HBQ1: variants seen among roughly 807,000 people sequenced by gnomAD.
The protein encoded by HBQ1 is hemoglobin subunit theta 1, also known as hemoglobin subunit theta-1.
In HBQ1, 9 loss-of-function variants were observed where a neutral mutation model predicts 8.2. The ratio of observed to expected loss-of-function variants is 1.10; its 90% CI spans 0.66 to 1.92. The LOEUF (loss-of-function observed/expected upper bound fraction) is 1.92. Ranked by LOEUF, HBQ1 falls within the 40% of genes most tolerant of loss-of-function variation. The probability of loss-of-function intolerance (pLI) is 0.00; values close to 1 mark genes in which losing one functional copy is unlikely to be tolerated. For missense variants in HBQ1, 216 were observed against 189.3 expected, an observed-to-expected ratio of 1.14 and a Z score of -0.83; for synonymous variants, 102 against 100.0, an observed-to-expected ratio of 1.02 and a Z score of -0.12.
At position 180,998 on chromosome 16, in the gene HBQ1, C is replaced by G; in HGVS notation, c.319C>G (p.Leu107Val). 6.2e-7 allele frequency: 1 copy of G among 1,611,240 alleles called. No individual in the cohort carries two copies. The highest frequency in any genetic ancestry group is 8.5e-7 in the Non-Finnish European group (1 of 1,179,364). ...GCCGCAGCTCCTGGGCCACTGCCTG[C>G]TGGTAACCCTCGCCCGGCACTACCC... is the stretch of plus-strand genomic sequence containing the variant. The part of the protein sequence containing the change: ...ASFQLLGHCL[L>V]VTLARHYPGD... The change falls in exon 3 of 3, where the codon CTG (leucine) becomes GTG (valine). Residue 107 changes from leucine to valine, a missense_variant. Transcript: ENST00000199708.
chr16:180,753 G>A lies in HBQ1; in HGVS notation c.183G>A (p.Gln61=), dbSNP rs1388972814. ...CCTCACAAGTCAGAGCCCACGGCCA[G>A]AAGGTGGCGGACGCGCTGAGCCTCG... The part of the protein sequence containing the change: ...PGSSQVRAHG[Q]KVADALSLAV... Residue 61 remains glutamine (Q), a synonymous_variant, in exon 2 of 3, where the codon CAG becomes CAA. Transcript: ENST00000199708. 1.3e-6 allele frequency: 2 copies of A among 1,583,706 alleles called. No individual in the cohort carries two copies. The highest frequency in any genetic ancestry group is 1.1e-5 in the South Asian group (1 of 87,820).
Position 180,578 on chromosome 16 carries a change from A to G in HBQ1, c.92A>G (p.Glu31Gly). ...GGCGTCTACACGACAGAGGCCCTGG[A>G]AAGGTGCGGCAGGCTGGGCGCCCCC... ...NVGVYTTEALERTFLAFPATK... is the reference protein window; with the variant it reads ...NVGVYTTEALGRTFLAFPATK... The change falls in exon 1 of 3, where the codon GAA becomes GGA. Residue 31 changes from glutamate to glycine, a missense_variant. Glu to Gly is a moderately conservative substitution (Grantham distance 98). Coordinates refer to ENST00000199708, the MANE Select transcript of HBQ1 (RefSeq NM_005331.5). 6.5e-7 allele frequency: 1 copy of G among 1,541,308 alleles called. No homozygotes were observed. Among genetic ancestry groups the G allele is most frequent in the South Asian group, 1.2e-5 (1 of 83,928 alleles).
intron 1 of HBQ1, 42 bp downstream of exon 1, chr16:180,623 C>G: frequency 6.6e-7 from 1 of 1,518,884 alleles, no homozygotes; most frequent in Non-Finnish European, 8.9e-7. Flanking sequence ...GGCCCTCCCT[C>G]CCCAAGCCCC....
chr16:180,555 C>T lies in HBQ1; in HGVS notation c.69C>T (p.Gly23=), dbSNP rs781404561. The T allele has an allele frequency of 1.9e-6, 3 of 1,540,294 alleles. No homozygotes were observed. Among genetic ancestry groups the T allele is most frequent in the South Asian group, 2.4e-5 (2 of 83,742 alleles). The change falls in exon 1 of 3, where the codon GGC becomes GGT. Residue 23 remains glycine, a synonymous_variant. Transcript: ENST00000199708. ...GGAAGAAGCTGGGCAGCAACGTCGG[C>T]GTCTACACGACAGAGGCCCTGGAAA... ...ALWKKLGSNV[G]VYTTEALERT... is the part of the protein sequence containing the mutation.
rs202203183 is a variant in HBQ1, at chr16:181,093, T to C, written c.414T>C (p.Val138=). Residue 138 remains valine, a synonymous_variant, in exon 3 of 3, where the codon GTT becomes GTC. Coordinates refer to ENST00000199708, the MANE Select transcript of HBQ1 (RefSeq NM_005331.5). The part of the protein sequence containing the change: ...KFLSHVISAL[V]SEYR ...TGAGCCACGTTATCTCGGCGCTGGT[T>C]TCCGAGTACCGCTGAACTGTGGGTG... 1 of 1,613,346 alleles carries C rather than the reference T, an allele frequency of 6.2e-7. No homozygotes were observed. The highest frequency in any genetic ancestry group is 1.7e-5 in the Admixed American group (1 of 60,012).
At position 180,523 on chromosome 16, in the gene HBQ1, G is replaced by A; in HGVS notation, c.37G>A (p.Ala13Thr). ...CGCGGAGGACCGGGCGCTGGTGCGC[G>A]CCCTGTGGAAGAAGCTGGGCAGCAA... is the stretch of plus-strand genomic sequence containing the variant. Reference protein sequence around the residue: ...LSAEDRALVRALWKKLGSNVG... With the variant: ...LSAEDRALVRTLWKKLGSNVG... Residue 13 changes from alanine to threonine, a missense_variant, in exon 1 of 3, where the codon GCC becomes ACC. Transcript: ENST00000199708. 1 of 1,535,940 alleles carries A rather than the reference G, an allele frequency of 6.5e-7. No homozygotes were observed. Among genetic ancestry groups the A allele is most frequent in the Non-Finnish European group, 8.7e-7 (1 of 1,145,082 alleles).
At position 181,148 on chromosome 16, in the gene HBQ1, C is replaced by G; in HGVS notation, c.*40C>G. On this transcript the variant is annotated 3_prime_UTR_variant, in exon 3 of 3. Transcript: ENST00000199708. ...GCCGCGGGATCCCCAGGCGACCTTC[C>G]CCGTGTTTGAGTAAAGCCTCTCCCA... is the stretch of plus-strand genomic sequence containing the variant. 6.2e-7 allele frequency: 1 copy of G among 1,609,814 alleles called. No homozygotes were observed. Among genetic ancestry groups the G allele is most frequent in the East Asian group, 2.2e-5 (1 of 44,660 alleles).
At position 180,816 on chromosome 16, in the gene HBQ1, CG is replaced by C; in HGVS notation, c.247del (p.Ala83ArgfsTer2). On this transcript the variant is annotated frameshift_variant, in exon 2 of 3. Transcript: ENST00000199708. LOFTEE classifies it high-confidence loss of function. ...TGGACGACCTACCCCACGCGCTGTC[CG>C]CGCTGAGCCACCTGCACGCGTGCCA... ...RLDDLPHALS[A>X]LSHLHACQLR... 1 of 1,552,942 alleles carries C rather than the reference CG, an allele frequency of 6.4e-7. No individual in the cohort carries two copies. Among genetic ancestry groups the C allele is most frequent in the Non-Finnish European group, 8.7e-7 (1 of 1,153,196 alleles).
Position 181,148 on chromosome 16 carries a change from C to T in HBQ1, c.*40C>T. 1 of 1,609,814 alleles carries T rather than the reference C, an allele frequency of 6.2e-7. No individual in the cohort carries two copies. The highest frequency in any genetic ancestry group is 1.7e-4 in the Middle Eastern group (1 of 6,042). Reference sequence around the variant, plus strand: ...GCCGCGGGATCCCCAGGCGACCTTCCCCGTGTTTGAGTAAAGCCTCTCCCA... The same window carrying T: ...GCCGCGGGATCCCCAGGCGACCTTCTCCGTGTTTGAGTAAAGCCTCTCCCA... On this transcript the variant is annotated 3_prime_UTR_variant, in exon 3 of 3. Transcript: ENST00000199708.
At chr16:180,609 C>A in intron 1 of HBQ1, 28 bp downstream of exon 1, 1 of 1,530,476 alleles carries the variant, frequency 6.5e-7, no homozygotes, top group Non-Finnish European at 8.8e-7. Context: ...CCCCCGCCCC[C>A]AGGGGCCCTC....
Position 180,763 on chromosome 16 carries a change from G to C in HBQ1, c.193G>C (p.Asp65His). The change falls in exon 2 of 3, where the codon GAC becomes CAC. Residue 65 changes from aspartate (D) to histidine (H), a missense_variant. Asp to His is a moderately conservative substitution (Grantham distance 81). Coordinates refer to ENST00000199708, the MANE Select transcript of HBQ1 (RefSeq NM_005331.5). ...QVRAHGQKVA[D>H]ALSLAVERLD... ...CAGAGCCCACGGCCAGAAGGTGGCG[G>C]ACGCGCTGAGCCTCGCCGTGGAGCG... 2.5e-6 allele frequency: 4 copies of C among 1,577,594 alleles called. No homozygotes were observed. The highest frequency in any genetic ancestry group is 3.4e-6 in the Non-Finnish European group (4 of 1,163,844).
rs2142023690 is a variant in HBQ1 at position 180,727 on chromosome 16, TCCTCA to T, written c.159_163del (p.Val56SerfsTer103). The T allele has an allele frequency of 6.3e-7, 1 of 1,594,892 alleles. No individual in the cohort carries two copies. The highest frequency in any genetic ancestry group is 1.3e-5 in the African/African-American group (1 of 74,426). On this transcript the variant is annotated frameshift_variant, in exon 2 of 3. Transcript: ENST00000199708. LOFTEE classifies it high-confidence loss of function. ...CTCCCACCTGGACCTGAGCCCCGGC[TCCTCA>T]CAAGTCAGAGCCCACGGCCAGAAGG...
chr16:180,816 C>T lies in HBQ1; in HGVS notation c.246C>T (p.Ser82=), dbSNP rs1395685771. 5.2e-6 allele frequency: 8 copies of T among 1,552,830 alleles called. No individual in the cohort carries two copies. The highest frequency in any genetic ancestry group is 1.4e-5 in the African/African-American group (1 of 73,364). Residue 82 remains serine (S), a synonymous_variant, in exon 2 of 3, where the codon TCC becomes TCT. Coordinates refer to ENST00000199708, the MANE Select transcript of HBQ1 (RefSeq NM_005331.5). The stretch of plus-strand genomic sequence containing the variant: ...TGGACGACCTACCCCACGCGCTGTC[C>T]GCGCTGAGCCACCTGCACGCGTGCC... ...ERLDDLPHAL[S]ALSHLHACQL... is the part of the protein sequence containing the mutation.
Position 180,669 on chromosome 16 carries a change from C to T in HBQ1, c.99C>T (p.Thr33=), listed in dbSNP as rs995714897. The T allele has an allele frequency of 1.3e-6, 2 of 1,567,094 alleles. No homozygotes were observed. Among genetic ancestry groups the T allele is most frequent in the Non-Finnish European group, 8.6e-7 (1 of 1,159,204 alleles). Residue 33 remains threonine, a synonymous_variant, in exon 2 of 3, where the codon ACC becomes ACT. Transcript: ENST00000199708. Reference sequence around the variant, plus strand: ...CTCACCCACGTTCCTCTCGCAGGACCTTCCTGGCTTTCCCCGCCACGAAGA... The same window carrying T: ...CTCACCCACGTTCCTCTCGCAGGACTTTCCTGGCTTTCCCCGCCACGAAGA... ...GVYTTEALER[T]FLAFPATKTY...
In HBQ1 at chr16:180,548, A is replaced by C. The variant is rs1182963583; in HGVS notation, c.62A>C (p.Asn21Thr). 1.2e-5 allele frequency: 19 copies of C among 1,540,252 alleles called. No homozygotes were observed. The highest frequency in any genetic ancestry group is 1.6e-5 in the Non-Finnish European group (18 of 1,146,036). Reference protein sequence around the residue: ...VRALWKKLGSNVGVYTTEALE... With the variant: ...VRALWKKLGSTVGVYTTEALE... ...GCCCTGTGGAAGAAGCTGGGCAGCA[A>C]CGTCGGCGTCTACACGACAGAGGCC... Residue 21 changes from asparagine to threonine, a missense_variant, in exon 1 of 3, where the codon AAC (asparagine) becomes ACC (threonine). By Grantham distance (65) the Asn-to-Thr change is moderately conservative (BLOSUM62 0). Transcript: ENST00000199708.
chr16:180,753 G>GAA lies in HBQ1; in HGVS notation c.184_185dup (p.Val63ArgfsTer6). 6.3e-7 allele frequency: 1 copy of GAA among 1,583,706 alleles called. No individual in the cohort carries two copies. Among genetic ancestry groups the GAA allele is most frequent in the East Asian group, 2.3e-5 (1 of 43,028 alleles). ...CCTCACAAGTCAGAGCCCACGGCCA[G>GAA]AAGGTGGCGGACGCGCTGAGCCTCG... On this transcript the variant is annotated frameshift_variant, in exon 2 of 3. Transcript: ENST00000199708. LOFTEE classifies it high-confidence loss of function.
At position 181,004 on chromosome 16, in the gene HBQ1, A is replaced by T; in HGVS notation, c.325A>T (p.Thr109Ser). The T allele has an allele frequency of 6.2e-7, 1 of 1,611,524 alleles. No homozygotes were observed. Among genetic ancestry groups the T allele is most frequent in the Non-Finnish European group, 8.5e-7 (1 of 1,179,458 alleles). The change falls in exon 3 of 3, where the codon ACC becomes TCC. Residue 109 changes from threonine (T) to serine (S), a missense_variant. Coordinates refer to ENST00000199708, the MANE Select transcript of HBQ1 (RefSeq NM_005331.5). ...GCTCCTGGGCCACTGCCTGCTGGTA[A>T]CCCTCGCCCGGCACTACCCCGGAGA... ...FQLLGHCLLV[T>S]LARHYPGDFS... is the part of the protein sequence containing the mutation.
chr16:181,022 C>G lies in HBQ1; in HGVS notation c.343C>G (p.Pro115Ala), dbSNP rs144961211. The G allele has an allele frequency of 9.6e-3, 15,486 of 1,612,884 alleles. 104 individuals carry two copies. Among genetic ancestry groups the G allele is most frequent in the Non-Finnish European group, 0.012 (14,304 of 1,179,862 alleles). ...GCTGGTAACCCTCGCCCGGCACTAC[C>G]CCGGAGACTTCAGCCCCGCGCTGCA... The part of the protein sequence containing the change: ...CLLVTLARHY[P>A]GDFSPALQAS... Residue 115 changes from proline (P) to alanine (A), a missense_variant, in exon 3 of 3, where the codon CCC becomes GCC. By Grantham distance (27) the Pro-to-Ala change is conservative. Transcript: ENST00000199708.
In HBQ1 at chr16:180,850, G is replaced by C. The variant is rs1253609444; in HGVS notation, c.280G>C (p.Val94Leu). The C allele has an allele frequency of 1.9e-6, 3 of 1,540,560 alleles. No individual in the cohort carries two copies. Among genetic ancestry groups the C allele is most frequent in the African/African-American group, 2.7e-5 (2 of 72,906 alleles). The change falls in exon 2 of 3, where the codon GTG becomes CTG. Residue 94 changes from valine to leucine, a missense_variant. By Grantham distance (32) the Val-to-Leu change is conservative. Coordinates refer to ENST00000199708, the MANE Select transcript of HBQ1 (RefSeq NM_005331.5). ...CCACCTGCACGCGTGCCAGCTGCGA[G>C]TGGACCCGGCCAGCTTCCAGGTGAG... is the stretch of plus-strand genomic sequence containing the variant. ...LSHLHACQLR[V>L]DPASFQLLGH... is the part of the protein sequence containing the mutation.
Sources: allele counts gnomAD v4.1 joint callset, GRCh38; gene constraint gnomAD v4.1.1; transcripts MANE v1.5; gene names NCBI Gene and HGNC (gene_info 2026-07-23, HGNC 2026-07-21).